FOXK2: variants seen among roughly 807,000 people sequenced by gnomAD.
The protein encoded by FOXK2 is forkhead box protein K2.
In FOXK2, 24 loss-of-function variants were observed where a neutral mutation model predicts 53.3. The observed-to-expected ratio is 0.45, with a 90% CI of 0.33 to 0.63. The LOEUF (loss-of-function observed/expected upper bound fraction) is 0.63, where lower values mean the gene tolerates loss of function less well. Ranked by LOEUF, FOXK2 falls within the 30% of genes least tolerant of loss-of-function variation. The pLI, the probability that FOXK2 is intolerant of heterozygous loss-of-function variation, is 0.03. For synonymous variants in FOXK2, 505 were observed against 407.1 expected, an observed-to-expected ratio of 1.24 and a Z score of -2.89; for missense variants, 952 against 910.5, an observed-to-expected ratio of 1.05 and a Z score of -0.59.
intron 8 of FOXK2, among the ~76,000 whole-genome samples, chr17:82,596,765 G>A (rs1033493975): frequency 1.3e-5 from 2 of 152,196 alleles, no homozygotes; most frequent in South Asian, 2.1e-4. Flanking sequence ...CAGAGCTGGC[G>A]GAGCCCCTCT....
At chr17:82,566,390 C>T (rs1360982649) in intron 2 of FOXK2, among the ~76,000 whole-genome samples, 1 of 152,028 alleles carries the variant, frequency 6.6e-6, no homozygotes, top group African/African-American at 2.4e-5. Flanking sequence ...TCGTTGCTGC[C>T]CTCTCTCCCA....
intron 6 of FOXK2, among the ~76,000 whole-genome samples, 195 bp from the exon 7 acceptor site, chr17:82,585,709 G>T (rs940751691): frequency 1.3e-5 from 2 of 152,210 alleles, no homozygotes; most frequent in Admixed American, 6.5e-5. Flanking sequence ...AGCAGTTAGA[G>T]ATAGGAATTA....
intron 4 of FOXK2, among the ~76,000 whole-genome samples, chr17:82,573,208 A>G (rs900738307): frequency 6.3e-4 from 96 of 152,038 alleles, no homozygotes; most frequent in Non-Finnish European, 1.1e-3. Context: ...GGAAAAAAAA[A>G]GCCTACCAGC....
At chr17:82,545,598 T>C (rs552222777) in intron 1 of FOXK2, among the ~76,000 whole-genome samples, 1 of 142,814 alleles carries the variant, frequency 7.0e-6, no homozygotes, top group Non-Finnish European at 1.6e-5. Flanking sequence ...TTTTTTTCTT[T>C]TGAGACAGAG....
At chr17:82,576,978 G>T in intron 4 of FOXK2, 1 of 387,306 alleles carries the variant, frequency 2.6e-6, no homozygotes, top group Non-Finnish European at 4.7e-6. Context: ...TGACCAACAC[G>T]GAGAAACTAC....
In FOXK2 at chr17:82,571,796, C is replaced by T; in HGVS notation, c.835C>T (p.Leu279Phe). 1.2e-6 allele frequency: 2 copies of T among 1,604,608 alleles called. No homozygotes were observed. The highest frequency in any genetic ancestry group is 1.7e-6 in the Non-Finnish European group (2 of 1,176,486). The change falls in exon 4 of 9, where the codon CTC becomes TTC. Residue 279 changes from leucine (L) to phenylalanine (F), a missense_variant. Leu to Phe is a conservative substitution (Grantham distance 22). This residue lies in a region of FOXK2 where 160 missense variants were observed against 214.2 expected (regional missense o/e 0.75). Transcript: ENST00000335255. ...QAITMAPDKQ[L>F]TLNGIYTHIT... Reference sequence around the variant, plus strand: ...GATTACGATGGCTCCCGACAAACAGCTCACCCTGAACGGGATTTATACACA... The same window carrying T: ...GATTACGATGGCTCCCGACAAACAGTTCACCCTGAACGGGATTTATACACA...
chr17:82,562,512 G>A (rs1293021773), intron 1 of FOXK2, among the ~76,000 whole-genome samples: 1 of 152,020 alleles, frequency 6.6e-6, no homozygotes, highest in Non-Finnish European at 1.5e-5. Flanking sequence ...CCTGGGAGGT[G>A]GAGGTTGCAA....
chr17:82,603,158 T>C lies in FOXK2; in HGVS notation c.*1659T>C, dbSNP rs1337703185. Reference sequence around the variant, plus strand: ...CACTAGCTGGATTATCACTCAGCCGTTTAAGAAATAAAAGCAAAACCATCA... The same window carrying C: ...CACTAGCTGGATTATCACTCAGCCGCTTAAGAAATAAAAGCAAAACCATCA... On this transcript the variant is annotated 3_prime_UTR_variant, in exon 9 of 9. Transcript: ENST00000335255. 6.6e-6 allele frequency: 1 copy of C among 152,352 alleles called. No individual in the cohort carries two copies. Among genetic ancestry groups the C allele is most frequent in the African/African-American group, 2.4e-5 (1 of 41,414 alleles). 9.4% of individuals were successfully genotyped at this position (152,352 alleles called of 1,614,324 possible).
rs2045418425 is a variant in FOXK2, at chr17:82,603,984, A to G, written c.*2485A>G. On this transcript the variant is annotated 3_prime_UTR_variant, in exon 9 of 9. Coordinates refer to ENST00000335255, the MANE Select transcript of FOXK2 (RefSeq NM_004514.4). ...TTTTGAACTTAGCTCTGAATCCCCA[A>G]GAACTTGAGCACAGCAAGGGTTGCT... 6.6e-6 allele frequency: 1 copy of G among 152,232 alleles called. No homozygotes were observed. Among genetic ancestry groups the G allele is most frequent in the South Asian group, 2.1e-4 (1 of 4,828 alleles). 9.4% of individuals were successfully genotyped at this position (152,232 alleles called of 1,614,324 possible).
chr17:82,592,596 C>T (rs78554196), intron 8 of FOXK2, among the ~76,000 whole-genome samples: 6,732 of 152,334 alleles, frequency 0.044, 222 homozygotes, highest in Middle Eastern at 0.11. Flanking sequence ...TCGCTTCTTT[C>T]GTTAACATTG....
intron 8 of FOXK2, chr17:82,601,028 A>G (rs2045376607): frequency 9.7e-6 from 4 of 412,374 alleles, no homozygotes; most frequent in Non-Finnish European, 1.8e-5. Context: ...CCAGCTGTTA[A>G]TAAAAATGTC....
chr17:82,564,400 G>T (rs111466678), intron 2 of FOXK2, among the ~76,000 whole-genome samples: 101 of 47,806 alleles, frequency 2.1e-3, no homozygotes, highest in African/African-American at 6.6e-3. Flanking sequence ...TTGTTTGTTT[G>T]TTTTGTTTTT....
At chr17:82,584,368 A>G (rs572182987) in intron 6 of FOXK2, among the ~76,000 whole-genome samples, 180 bp downstream of exon 6, 28 of 152,128 alleles carry the variant, frequency 1.8e-4, no homozygotes, top group Middle Eastern at 3.4e-3. Flanking sequence ...TTAAAAATCA[A>G]TGAAGGTTCT....
chr17:82,535,585 A>G (rs1349533721), intron 1 of FOXK2, among the ~76,000 whole-genome samples: 1 of 152,104 alleles, frequency 6.6e-6, no homozygotes, highest in Non-Finnish European at 1.5e-5. Context: ...GTGCCTGCTC[A>G]GATGTGCTAT....
Position 82,589,177 on chromosome 17 carries a change from G to A in FOXK2, c.1786+1905G>A, listed in dbSNP as rs1184645406. Among the ~76,000 whole-genome samples, 6 of 152,046 alleles carry A rather than the reference G, an allele frequency of 3.9e-5. No homozygotes were observed. In the East Asian group the frequency reaches 1.2e-3, roughly 29 times the overall value. ...GAAAATATTGATGTTTTAAAATAAA[G>A]CTTTTACGGGATTATTTTCAGTGTA... On this transcript the variant is annotated intron_variant, in intron 8 of 8. Coordinates refer to ENST00000335255, the MANE Select transcript of FOXK2 (RefSeq NM_004514.4).
intron 8 of FOXK2, among the ~76,000 whole-genome samples, chr17:82,588,081 T>C (rs1007280635): frequency 6.6e-6 from 1 of 152,194 alleles, no homozygotes; most frequent in African/African-American, 2.4e-5. Flanking sequence ...CCTTGAAACC[T>C]GCAGGTACCT....
rs1268961631 is a variant in FOXK2, at chr17:82,519,957, C to T, written c.69C>T (p.Gly23=). 2 of 1,042,480 alleles carry T rather than the reference C, an allele frequency of 1.9e-6. No homozygotes were observed. Among genetic ancestry groups the T allele is most frequent in the Non-Finnish European group, 2.3e-6 (2 of 867,086 alleles). 64.6% of individuals were successfully genotyped at this position (1,042,480 alleles called of 1,614,324 possible). ...TPPAGGGAGG[G]GAGGGGSPPG... ...CCGCGGGCGGCGGGGCCGGGGGCGG[C>T]GGGGCCGGGGGCGGCGGGTCCCCGC... is the stretch of plus-strand genomic sequence containing the variant. The change falls in exon 1 of 9, where the codon GGC becomes GGT. Residue 23 remains glycine (G), a synonymous_variant. Coordinates refer to ENST00000335255, the MANE Select transcript of FOXK2 (RefSeq NM_004514.4).
At chr17:82,571,896 A>G (rs1220309606) in intron 4 of FOXK2, 26 bp downstream of exon 4, 2 of 1,524,702 alleles carry the variant, frequency 1.3e-6, no homozygotes, top group African/African-American at 1.4e-5. Flanking sequence ...TTGTTGTTAA[A>G]TAGAGGCTGA....
At chr17:82,592,357 T>C (rs1332154880) in intron 8 of FOXK2, among the ~76,000 whole-genome samples, 4 of 152,248 alleles carry the variant, frequency 2.6e-5, no homozygotes, top group Non-Finnish European at 4.4e-5. Context: ...TGGTCCTTCA[T>C]GGGGCTCACA....
Sources: allele counts gnomAD v4.1 joint callset (sites outside exome capture counted in the v4.1 genomes callset), GRCh38; gene constraint gnomAD v4.1.1; regional missense constraint gnomAD v4.1.1; transcripts MANE v1.5; gene names NCBI Gene and HGNC (gene_info 2026-07-23, HGNC 2026-07-21).